Variants in ANKRD30A observed in about 807,000 individuals in gnomAD.
ANKRD30A encodes the protein ankyrin repeat domain-containing protein 30A.
In ANKRD30A, 170 loss-of-function variants were observed where a neutral mutation model predicts 166.3. That is an observed-to-expected ratio of 1.02 (90% CI 0.90 to 1.16). The LOEUF (loss-of-function observed/expected upper bound fraction) is 1.16, where lower values mean the gene tolerates loss of function less well. Among genes scored for constraint, ANKRD30A ranks in the 50% most tolerant of loss-of-function variants. The pLI is 0.00. For missense variants in ANKRD30A, 1,630 were observed against 1,518.0 expected (o/e 1.07, Z -1.23); for synonymous variants, 564 against 508.9 (o/e 1.11, Z -1.46).
At chr10:37,189,942 G>T (rs1300938930) in intron 25 of ANKRD30A, among the ~76,000 whole-genome samples, 1 of 151,828 alleles carries the variant, frequency 6.6e-6, no homozygotes, top group South Asian at 2.1e-4. Context: ...AAAAGATCGG[G>T]TATGGTTAGA....
chr10:37,247,156 G>A, the ANKRD30A span, among the ~76,000 whole-genome samples: 1 of 152,182 alleles, frequency 6.6e-6, no homozygotes, highest in Admixed American at 6.5e-5. Flanking sequence ...GCAGAGGGGG[G>A]TTAGCTTTAT....
intron 13 of ANKRD30A, among the ~76,000 whole-genome samples, chr10:37,155,479 T>G (rs944522860): frequency 1.3e-5 from 2 of 152,220 alleles, no homozygotes; most frequent in African/African-American, 2.4e-5. Context: ...ATCTGAACTG[T>G]GTGGCTTCTC....
At chr10:37,199,363 T>TA (rs1300815772) in intron 29 of ANKRD30A, among the ~76,000 whole-genome samples, 2 of 151,986 alleles carry the variant, frequency 1.3e-5, no homozygotes. Context: ...TACTACCAAA[T>TA]AAAAATTTAC....
intron 27 of ANKRD30A, among the ~76,000 whole-genome samples, chr10:37,193,687 T>C (rs1840793037): frequency 6.6e-6 from 1 of 152,094 alleles, no homozygotes; most frequent in South Asian, 2.1e-4. Context: ...ATCAGTTTTT[T>C]TTTTATTAGA....
At chr10:37,155,237 T>C (rs1223758562) in intron 13 of ANKRD30A, among the ~76,000 whole-genome samples, 1 of 152,226 alleles carries the variant, frequency 6.6e-6, no homozygotes, top group African/African-American at 2.4e-5. Context: ...TGAAAGCTTA[T>C]TAAATTTGCT....
chr10:37,220,017 ATATATATATAT>A lies in ANKRD30A; in HGVS notation c.4185+121_4185+131del, dbSNP rs1564589577. On this transcript the variant is annotated intron_variant, in intron 34 of 35. Transcript: ENST00000361713. ...TATATATATATATATATATATATAT[ATATATATATAT>A]AATATATGTATGTATAAATAGATGA... 31 of 153,654 alleles carry A rather than the reference ATATATATATAT, an allele frequency of 2.0e-4. No individual in the cohort carries two copies. In the South Asian group the frequency reaches 5.8e-3, roughly 29 times the overall value. The allele number at this position is 153,654 out of a possible 1,614,324, so 9.5% of individuals were successfully genotyped here.
In ANKRD30A at chr10:37,149,659, A is replaced by G. The variant is rs201538199; in HGVS notation, c.1552A>G (p.Lys518Glu). The G allele has an allele frequency of 1.5e-4, 248 of 1,612,200 alleles. 2 individuals are homozygous for G. The highest frequency in any genetic ancestry group is 9.2e-4 in the South Asian group (84 of 90,912). ...EINREVEEPP[K>E]KPSAFKPAIE... ...TCTCTTTTGCTTTTTAGAGCCTCCT[A>G]AGAAGCCATCTGCCTTCAAGGTATT... is the stretch of plus-strand genomic sequence containing the variant. The change falls in exon 10 of 36, where the codon AAG becomes GAG. Residue 518 changes from lysine to glutamate, a missense_variant. Coordinates refer to ENST00000361713, the MANE Select transcript of ANKRD30A (RefSeq NM_052997.3).
rs201701209 is a variant in ANKRD30A, at chr10:37,162,677, G to A, written c.1929G>A (p.Glu643=). Residue 643 remains glutamate (E), a splice_region_variant and synonymous_variant, in exon 16 of 36, where the codon GAG becomes GAA. Transcript: ENST00000361713. ...AEPPGKPSAF[E]PATEMQKSVP... ...CTCCGGGGAAGCCATCTGCCTTCGA[G>A]GTATTTAGTTTTATGATTTCATTTT... The A allele has an allele frequency of 2.0e-5, 33 of 1,612,278 alleles. No homozygotes were observed. The highest frequency in any genetic ancestry group is 1.0e-4 in the Admixed American group (6 of 59,950).
At chr10:37,153,421 T>C in intron 12 of ANKRD30A, 151 bp from the exon 13 acceptor site, 1 of 1,156,260 alleles carries the variant, frequency 8.6e-7, no homozygotes, top group South Asian at 1.6e-5. Context: ...TATCAAAATG[T>C]GTTGGTTTTC....
At chr10:37,202,705 T>A (rs1316058445) in intron 31 of ANKRD30A, among the ~76,000 whole-genome samples, 1 of 152,184 alleles carries the variant, frequency 6.6e-6, no homozygotes, top group Non-Finnish European at 1.5e-5. Flanking sequence ...AGGAGCTGGT[T>A]TTTTGAAAAG....
At chr10:37,128,621 A>G (rs1191425561) in intron 1 of ANKRD30A, among the ~76,000 whole-genome samples, 1 of 152,088 alleles carries the variant, frequency 6.6e-6, no homozygotes, top group African/African-American at 2.4e-5. Context: ...GAACTTCTCA[A>G]CTGTATTGAT....
chr10:37,195,757 G>T (rs1841032249), intron 27 of ANKRD30A, among the ~76,000 whole-genome samples: 1 of 152,100 alleles, frequency 6.6e-6, no homozygotes, highest in Admixed American at 6.5e-5. Flanking sequence ...AGCCGGACGT[G>T]GTGGCACGCA....
chr10:37,198,177 T>C (rs1458381635), intron 29 of ANKRD30A, among the ~76,000 whole-genome samples: 7 of 152,150 alleles, frequency 4.6e-5, no homozygotes, highest in Admixed American at 3.9e-4. Context: ...TTTTTAAAAC[T>C]ATTCTTATGC....
the ANKRD30A span, chr10:37,248,290 C>T: frequency 3.6e-4 from 187 of 517,130 alleles, no homozygotes; most frequent in Non-Finnish European, 3.3e-4. Flanking sequence ...CCCTGCCTTC[C>T]ACTGTTCAGT....
chr10:37,248,161 G>A, the ANKRD30A span: 1 of 634,292 alleles, frequency 1.6e-6, no homozygotes, highest in South Asian at 1.4e-5. Context: ...GTCTTCCAGA[G>A]GTCTTGCACT....
chr10:37,196,738 C>G (rs1254134374), intron 27 of ANKRD30A, among the ~76,000 whole-genome samples: 1 of 151,868 alleles, frequency 6.6e-6, no homozygotes, highest in South Asian at 2.1e-4. Flanking sequence ...GCAGAGGATA[C>G]AGAAATATAG....
At chr10:37,142,432 T>A (rs1837208813) in intron 7 of ANKRD30A, 142 bp downstream of exon 7, 1 of 724,928 alleles carries the variant, frequency 1.4e-6, no homozygotes, top group Non-Finnish European at 2.2e-6. Context: ...AGTATAGGAA[T>A]AAGTAGCTCT....
intron 29 of ANKRD30A, among the ~76,000 whole-genome samples, chr10:37,198,591 A>C (rs1390608353): frequency 6.6e-6 from 1 of 152,048 alleles, no homozygotes; most frequent in African/African-American, 2.4e-5. Flanking sequence ...AGAGCTTCTT[A>C]GAGATATGGT....
At chr10:37,199,632 C>G in intron 29 of ANKRD30A, 95 bp from the exon 30 acceptor site, 3 of 750,344 alleles carry the variant, frequency 4.0e-6, no homozygotes, top group Non-Finnish European at 6.5e-6. Flanking sequence ...GAGGAGGAAC[C>G]ACAGATTCGT....
Sources: allele counts gnomAD v4.1 joint callset (sites outside exome capture counted in the v4.1 genomes callset), GRCh38; gene constraint gnomAD v4.1.1; transcripts MANE v1.5; gene names NCBI Gene and HGNC (gene_info 2026-07-23, HGNC 2026-07-21).